Variants in CDKN2B-AS1 observed in about 807,000 individuals in gnomAD.
CDKN2B-AS1 encodes CDKN2B and CDKN2A antisense cis and trans regulatory RNA 1, also known as CDKN2B antisense RNA 1 (non-protein coding).
At chr9:22,081,388 C>A (rs775699677) in intron 4 of CDKN2B-AS1, among the ~76,000 whole-genome samples, 8 of 150,276 alleles carry the variant, frequency 5.3e-5, no homozygotes, top group Non-Finnish European at 1.0e-4. Flanking sequence ...AAGTGATGGA[C>A]AGAGTGTAGG....
intron 1 of CDKN2B-AS1, among the ~76,000 whole-genome samples, chr9:22,034,862 T>C (rs1822622872): frequency 1.3e-5 from 2 of 152,184 alleles, no homozygotes; most frequent in Admixed American, 1.3e-4. Context: ...CAAGACTGAT[T>C]TGACATAAGG....
rs570626166 is a variant in CDKN2B-AS1 at position 22,029,412 on chromosome 9, G to T, written n.30-17339G>T. ...CATAGAGACTTGTCTGACAAATCCA[G>T]ATTTTTTGGATGTTTTGCAGGACTA... On this transcript the variant is annotated intron_variant and non_coding_transcript_variant, in intron 1 of 4. Transcript: ENST00000650946. The T allele has an allele frequency of 6.7e-5, 52 of 779,294 alleles. 1 individual carries two copies. Among genetic ancestry groups the T allele is most frequent in the South Asian group, 6.4e-4 (48 of 74,578 alleles). 48.3% of individuals were successfully genotyped at this position (779,294 alleles called of 1,614,324 possible).
At chr9:22,096,251 C>T (rs1002097432) in intron 4 of CDKN2B-AS1, 2 of 152,192 alleles carry the variant, frequency 1.3e-5, no homozygotes, top group Non-Finnish European at 2.9e-5. Context: ...TTCATTTATT[C>T]AGCAGACCTT....
chr9:22,088,083 T>C (rs1824925345), intron 4 of CDKN2B-AS1, among the ~76,000 whole-genome samples: 1 of 152,148 alleles, frequency 6.6e-6, no homozygotes. Context: ...TTTATCTAAA[T>C]GTCATGCAGT....
chr9:22,076,584 C>G (rs1824501138), intron 4 of CDKN2B-AS1, among the ~76,000 whole-genome samples: 2 of 152,220 alleles, frequency 1.3e-5, no homozygotes, highest in Admixed American at 6.5e-5. Flanking sequence ...TCTCCATCAT[C>G]TCACATAGTT....
At chr9:22,111,779 G>A (rs977765245) in intron 4 of CDKN2B-AS1, among the ~76,000 whole-genome samples, 25 of 152,122 alleles carry the variant, frequency 1.6e-4, no homozygotes, top group African/African-American at 5.6e-4. Context: ...CCCAGTAAAT[G>A]TTTATGATGT....
chr9:22,007,963 G>A (rs1821278732), intron 1 of CDKN2B-AS1, among the ~76,000 whole-genome samples: 1 of 152,186 alleles, frequency 6.6e-6, no homozygotes. Context: ...AGTTTTAGAG[G>A]GTGATAGTGA....
intron 4 of CDKN2B-AS1, among the ~76,000 whole-genome samples, chr9:22,085,980 C>T (rs1241655971): frequency 1.3e-5 from 2 of 151,904 alleles, no homozygotes; most frequent in Non-Finnish European, 2.9e-5. Flanking sequence ...CCTCGAGAGG[C>T]AGGATAGTTC....
At chr9:22,020,365 T>C (rs1160947558) in intron 1 of CDKN2B-AS1, among the ~76,000 whole-genome samples, 1 of 152,222 alleles carries the variant, frequency 6.6e-6, no homozygotes, top group East Asian at 1.9e-4. Flanking sequence ...CATAATAGAA[T>C]GATTTATATT....
intron 1 of CDKN2B-AS1, chr9:22,012,152 G>A (rs770802676): frequency 1.9e-4 from 234 of 1,257,474 alleles, no homozygotes; most frequent in Middle Eastern, 2.4e-4. Context: ...TGCAGACACA[G>A]AGATGCAGAT....
chr9:22,027,235 A>G (rs560110039), intron 1 of CDKN2B-AS1, among the ~76,000 whole-genome samples: 89 of 151,314 alleles, frequency 5.9e-4, no homozygotes, highest in Non-Finnish European at 1.2e-3. Context: ...CTTTAAATTT[A>G]TTTAATCATT....
chr9:22,097,487 A>C (rs1825323756), intron 4 of CDKN2B-AS1: 1 of 152,208 alleles, frequency 6.6e-6, no homozygotes, highest in Non-Finnish European at 1.5e-5. Context: ...TTGTGCTTAT[A>C]ACTTCATCAT....
chr9:22,072,820 G>T (rs574661691), intron 4 of CDKN2B-AS1, among the ~76,000 whole-genome samples: 2 of 152,306 alleles, frequency 1.3e-5, no homozygotes, highest in South Asian at 4.1e-4. Context: ...GTCCCTGGTT[G>T]ACTACTGTCT....
intron 4 of CDKN2B-AS1, among the ~76,000 whole-genome samples, chr9:22,063,021 AGAC>A (rs1215303659): frequency 5.4e-4 from 82 of 150,558 alleles, no homozygotes; most frequent in African/African-American, 1.9e-3. Flanking sequence ...AGAGAGAGAG[AGAC>A]TTATAAATTT....
intron 1 of CDKN2B-AS1, among the ~76,000 whole-genome samples, chr9:22,017,103 G>A (rs147016426): frequency 1.8e-4 from 27 of 152,040 alleles, no homozygotes; most frequent in African/African-American, 4.3e-4. Context: ...AGAATTACTG[G>A]TTTTATTTTT....
intron 1 of CDKN2B-AS1, among the ~76,000 whole-genome samples, chr9:22,041,540 G>C (rs561702607): frequency 6.6e-6 from 1 of 152,046 alleles, no homozygotes; most frequent in Non-Finnish European, 1.5e-5. Flanking sequence ...ATTAAACTTT[G>C]TCTAGTTCTA....
In CDKN2B-AS1 at chr9:21,999,457, T is replaced by A. The variant is rs1820830660; in HGVS notation, n.29+4296T>A. ...TTATATACACATATGTACACACATA[T>A]CTGTAAGTATGGGAAGATGTATACA... On this transcript the variant is annotated intron_variant and non_coding_transcript_variant, in intron 1 of 4. Transcript: ENST00000650946. This position sits in a 1 kb window ranked among gnomAD's most constrained non-coding sequence, Gnocchi z 4.7. Among the ~76,000 whole-genome samples the A allele has an allele frequency of 6.6e-6, 1 of 151,930 alleles. No homozygotes were observed. Among genetic ancestry groups the A allele is most frequent in the Non-Finnish European group, 1.5e-5 (1 of 67,934 alleles).
chr9:22,012,939 A>G (rs771768333), intron 1 of CDKN2B-AS1, among the ~76,000 whole-genome samples: 20 of 152,202 alleles, frequency 1.3e-4, no homozygotes, highest in Non-Finnish European at 2.8e-4. Flanking sequence ...TAGTATCCGT[A>G]TTAGTTTGCT....
intron 1 of CDKN2B-AS1, among the ~76,000 whole-genome samples, chr9:22,037,005 C>G (rs1372910821): frequency 6.6e-6 from 1 of 152,070 alleles, no homozygotes; most frequent in Non-Finnish European, 1.5e-5. Context: ...CTCCCCTTCT[C>G]CCTTTACCAC....
Sources: gnomAD v4.1 joint callset for allele counts (sites outside exome capture counted in the v4.1 genomes callset) on GRCh38, gnomAD v4.1.1 for gene constraint, Gnocchi (gnomAD v3.1) non-coding constraint, MANE v1.5 for transcripts, NCBI Gene and HGNC (gene_info 2026-07-23, HGNC 2026-07-21) for gene names.